Variants in CFAP43 observed in about 807,000 individuals in gnomAD.
CFAP43 encodes cilia and flagella associated protein 43, also known as cilia- and flagella-associated protein 43.
CFAP43 carries 155 observed loss-of-function variants against 218.9 expected under a neutral mutation model. That is an observed-to-expected ratio of 0.71 (90% CI 0.62 to 0.81). CFAP43 has a LOEUF of 0.81. Among genes scored for constraint, CFAP43 ranks in the 30% least tolerant of loss-of-function variants. The pLI is 0.00. For missense variants in CFAP43, 1,778 were observed against 1,954.3 expected, an observed-to-expected ratio of 0.91 and a Z score of 1.70; for synonymous variants, 645 against 681.3, an observed-to-expected ratio of 0.95 and a Z score of 0.83.
At position 104,188,397 on chromosome 10, in the gene CFAP43, G is replaced by A. The variant is rs759255232; in HGVS notation, c.1560C>T (p.Asp520=). The A allele has an allele frequency of 5.0e-6, 8 of 1,613,604 alleles. No homozygotes were observed. The highest frequency in any genetic ancestry group is 1.7e-5 in the Admixed American group (1 of 59,980). Residue 520 remains aspartate, a synonymous_variant, in exon 13 of 38, where the codon GAC becomes GAT. Transcript: ENST00000357060. ...GAGACACTGTGGATATCTGTAAAAT[G>A]TCTTTGGCCACCTCTGAAAGCAAAC... ...QIIGFTEVAK[D]ILQISTVSLL...
At chr10:104,196,810 G>C (rs193274628) in intron 10 of CFAP43, 43 bp downstream of exon 10, 23 of 1,469,768 alleles carry the variant, frequency 1.6e-5, no homozygotes, top group African/African-American at 2.8e-5. Context: ...GATTGGATTA[G>C]AATTCAGTAT....
intron 4 of CFAP43, among the ~76,000 whole-genome samples, chr10:104,213,197 C>A (rs1185120124): frequency 6.6e-6 from 1 of 152,190 alleles, no homozygotes; most frequent in East Asian, 1.9e-4. Flanking sequence ...AGCAGAAAGG[C>A]TTCTCTTAAG....
intron 27 of CFAP43, among the ~76,000 whole-genome samples, chr10:104,155,346 G>A (rs1386777662): frequency 1.3e-5 from 2 of 152,204 alleles, no homozygotes; most frequent in Non-Finnish European, 2.9e-5. Flanking sequence ...GCAGTGAGGG[G>A]ATGGGCACAG....
intron 8 of CFAP43, among the ~76,000 whole-genome samples, chr10:104,200,318 T>C (rs1278586341): frequency 2.0e-5 from 3 of 152,106 alleles, no homozygotes; most frequent in Non-Finnish European, 4.4e-5. Flanking sequence ...TTCATCTGCA[T>C]CTCGTTATTG....
Position 104,225,526 on chromosome 10 carries a change from T to TGAAA in CFAP43, c.347_350dup (p.Ser119IlefsTer10), listed in dbSNP as rs775984461. 5.0e-6 allele frequency: 8 copies of TGAAA among 1,612,730 alleles called. No individual in the cohort carries two copies. Among genetic ancestry groups the TGAAA allele is most frequent in the Non-Finnish European group, 6.8e-6 (8 of 1,179,270 alleles). On this transcript the variant is annotated frameshift_variant, in exon 3 of 38. Coordinates refer to ENST00000357060, the MANE Select transcript of CFAP43 (RefSeq NM_025145.7). LOFTEE classifies it high-confidence loss of function. ...CCAGGTAGGTGCCACAGTAACTGAATGAAAGTAAAGTGTAGTCCAGGAGAA... is the reference window on the plus strand; with the variant it reads ...CCAGGTAGGTGCCACAGTAACTGAATGAAAGAAAGTAAAGTGTAGTCCAGGAGAA...
intron 8 of CFAP43, 179 bp downstream of exon 8, chr10:104,203,493 T>G (rs1445262272): frequency 2.0e-6 from 1 of 511,244 alleles, no homozygotes; most frequent in Middle Eastern, 4.9e-4. Flanking sequence ...TGCACAAAAA[T>G]AAACCAATAG....
intron 3 of CFAP43, among the ~76,000 whole-genome samples, chr10:104,222,641 G>A (rs909804851): frequency 6.6e-6 from 1 of 152,140 alleles, no homozygotes. Flanking sequence ...AAATAGAAGT[G>A]CGCATGAATA....
At chr10:104,160,889 CACTT>C in intron 27 of CFAP43, 144 bp downstream of exon 27, 1 of 741,916 alleles carries the variant, frequency 1.3e-6, no homozygotes. Flanking sequence ...AATTTATCTC[CACTT>C]ACTTCTCCAA....
Position 104,164,205 on chromosome 10 carries a change from AT to A in CFAP43, c.3134del (p.Asn1045MetfsTer9). 1 of 1,614,054 alleles carries A rather than the reference AT, an allele frequency of 6.2e-7. No homozygotes were observed. Among genetic ancestry groups the A allele is most frequent in the Non-Finnish European group, 8.5e-7 (1 of 1,180,000 alleles). ...CTAAAATAATTTCTCGAATTCGAAC[AT>A]TTCTTTCCTTCACGCGTGCAATTTC... Reference protein sequence around the residue: ...EFEIARVKERNVRIREIILDL... With the variant: ...EFEIARVKERXVRIREIILDL... On this transcript the variant is annotated frameshift_variant, in exon 24 of 38. Coordinates refer to ENST00000357060, the MANE Select transcript of CFAP43 (RefSeq NM_025145.7). LOFTEE classifies it high-confidence loss of function.
chr10:104,173,716 T>A (rs1007637176), intron 19 of CFAP43, among the ~76,000 whole-genome samples: 21 of 152,178 alleles, frequency 1.4e-4, no homozygotes, highest in Non-Finnish European at 2.4e-4. Context: ...ACCCCTTCAC[T>A]TTTTACTGAG....
At chr10:104,152,367 C>T (rs947836856) in intron 28 of CFAP43, among the ~76,000 whole-genome samples, 8 of 152,022 alleles carry the variant, frequency 5.3e-5, no homozygotes, top group Non-Finnish European at 1.2e-4. Context: ...TGTTGGTAGA[C>T]AGTATTACTG....
intron 20 of CFAP43, among the ~76,000 whole-genome samples, chr10:104,171,202 T>A (rs865786367): frequency 6.6e-6 from 1 of 152,204 alleles, no homozygotes; most frequent in Admixed American, 6.5e-5. Context: ...ACAGCAGAAA[T>A]GTGTCTGTCT....
intron 3 of CFAP43, chr10:104,218,920 G>C (rs774376316): frequency 2.1e-6 from 1 of 468,806 alleles, no homozygotes; most frequent in Non-Finnish European, 4.4e-6. Context: ...ACCCCGAGGA[G>C]CCACCACACC....
At chr10:104,152,068 C>CT (rs2088287042) in intron 28 of CFAP43, among the ~76,000 whole-genome samples, 1 of 151,874 alleles carries the variant, frequency 6.6e-6, no homozygotes, top group South Asian at 2.1e-4. Context: ...TTTTTTTCAC[C>CT]TGATCTTTTG....
At chr10:104,215,886 C>A (rs1236264906) in intron 3 of CFAP43, among the ~76,000 whole-genome samples, 1 of 152,058 alleles carries the variant, frequency 6.6e-6, no homozygotes, top group African/African-American at 2.4e-5. Flanking sequence ...GAAGGTGTGT[C>A]CTTCCTCCTA....
intron 33 of CFAP43, among the ~76,000 whole-genome samples, chr10:104,141,941 G>A (rs1233471383): frequency 6.6e-6 from 1 of 152,162 alleles, no homozygotes; most frequent in African/African-American, 2.4e-5. Flanking sequence ...TTAGACATCT[G>A]CTTAATTTTC....
intron 14 of CFAP43, 26 bp downstream of exon 14, chr10:104,187,294 G>T: frequency 6.4e-7 from 1 of 1,567,464 alleles, no homozygotes; most frequent in South Asian, 1.2e-5. Context: ...TAAGATAAAT[G>T]AGAGCACACT....
chr10:104,137,631 A>G (rs536522669), intron 34 of CFAP43, among the ~76,000 whole-genome samples: 1 of 152,170 alleles, frequency 6.6e-6, no homozygotes, highest in East Asian at 1.9e-4. Flanking sequence ...AACATGGTGA[A>G]ACCCCATCTC....
chr10:104,189,374 G>A (rs1183198875), intron 12 of CFAP43, among the ~76,000 whole-genome samples: 1 of 152,086 alleles, frequency 6.6e-6, no homozygotes, highest in Admixed American at 6.5e-5. Flanking sequence ...AAATAGTTTT[G>A]GCACTTTCTG....
Sources: allele counts gnomAD v4.1 joint callset (sites outside exome capture counted in the v4.1 genomes callset), GRCh38; gene constraint gnomAD v4.1.1; transcripts MANE v1.5; gene names NCBI Gene and HGNC (gene_info 2026-07-23, HGNC 2026-07-21).